Variants in PTP4A2 observed in about 807,000 individuals in gnomAD.
PTP4A2 encodes the protein protein tyrosine phosphatase 4A2, also known as protein tyrosine phosphatase type IVA 2.
A neutral mutation model predicts 22.9 loss-of-function variants in PTP4A2; 2 were observed. The observed-to-expected ratio is 0.09, with a 90% confidence interval of 0.04 to 0.27. The LOEUF is 0.27. PTP4A2 is among the 10% of genes least tolerant of loss of function. The pLI, the probability that PTP4A2 is intolerant of heterozygous loss-of-function variation, is 1.00. For synonymous variants in PTP4A2, 68 were observed against 69.1 expected (o/e 0.98, Z 0.08); for missense variants, 103 against 205.1 (o/e 0.50, Z 3.04).
intron 2 of PTP4A2, among the ~76,000 whole-genome samples, chr1:31,916,361 A>G (rs1180163381): frequency 6.7e-6 from 1 of 149,904 alleles, no homozygotes; most frequent in Non-Finnish European, 1.5e-5. Context: ...AAAAAAAAAA[A>G]AAAAAAAAAA....
At chr1:31,909,899 A>AT in intron 5 of PTP4A2, 139 bp downstream of exon 5, 1 of 694,354 alleles carries the variant, frequency 1.4e-6, no homozygotes, top group Non-Finnish European at 2.4e-6. Context: ...CTTGCTCTAA[A>AT]TTTTTTACAT....
At chr1:31,916,142 C>T (rs1009411532) in intron 2 of PTP4A2, among the ~76,000 whole-genome samples, 155 bp from the exon 3 acceptor site, 1 of 151,568 alleles carries the variant, frequency 6.6e-6, no homozygotes, top group Admixed American at 6.6e-5. Flanking sequence ...GTAAGGAGTT[C>T]GAGACCAGCC....
intron 1 of PTP4A2, among the ~76,000 whole-genome samples, chr1:31,922,553 C>T (rs893411170): frequency 6.6e-6 from 1 of 152,128 alleles, no homozygotes; most frequent in African/African-American, 2.4e-5. Context: ...GCACTGCTAA[C>T]TGGTAGCAGC....
chr1:31,913,858 T>G, intron 3 of PTP4A2: 1 of 456,186 alleles, frequency 2.2e-6, no homozygotes, highest in East Asian at 6.9e-5. Context: ...CAAAACAAGT[T>G]GATTTTTGCT....
At chr1:31,935,993 T>A (rs1432940259) in intron 1 of PTP4A2, among the ~76,000 whole-genome samples, 1 of 151,984 alleles carries the variant, frequency 6.6e-6, no homozygotes, top group Non-Finnish European at 1.5e-5. Flanking sequence ...GTCACCATGT[T>A]ACCCAGGCTG....
At chr1:31,928,220 TATA>T (rs61516782) in intron 1 of PTP4A2, among the ~76,000 whole-genome samples, 23,399 of 145,322 alleles carry the variant, frequency 0.16, 2,110 homozygotes, top group East Asian at 0.37. Flanking sequence ...AATATATAAA[TATA>T]ATAATATAAT....
At chr1:31,935,203 G>GGCGTGC (rs1652883113) in intron 1 of PTP4A2, among the ~76,000 whole-genome samples, 1 of 152,096 alleles carries the variant, frequency 6.6e-6, no homozygotes, top group Admixed American at 6.5e-5. Flanking sequence ...AACATAAGAC[G>GGCGTGC]CTGCTGCATT....
chr1:31,934,733 C>T (rs1652862274), intron 1 of PTP4A2, among the ~76,000 whole-genome samples: 2 of 150,784 alleles, frequency 1.3e-5, no homozygotes, highest in Admixed American at 6.6e-5. Context: ...GGCTCTCATA[C>T]TGTTTTTTAA....
intron 1 of PTP4A2, among the ~76,000 whole-genome samples, chr1:31,926,300 A>G (rs891230291): frequency 6.6e-6 from 1 of 151,772 alleles, no homozygotes; most frequent in African/African-American, 2.4e-5. Flanking sequence ...AAAACAGCAC[A>G]TTAAAATATA....
At chr1:31,937,641 A>G (rs1439220406) in intron 1 of PTP4A2, 1 of 128,088 alleles carries the variant, frequency 7.8e-6, no homozygotes, top group Non-Finnish European at 1.7e-5. Flanking sequence ...CTCCCCACAC[A>G]CCCATACCCT....
chr1:31,915,698 C>A (rs1228392642), intron 3 of PTP4A2, 197 bp downstream of exon 3: 3 of 401,160 alleles, frequency 7.5e-6, no homozygotes, highest in Non-Finnish European at 1.4e-5. Flanking sequence ...CACCAACATG[C>A]CCCACCAGTT....
At chr1:31,926,548 C>T (rs1264317493) in intron 1 of PTP4A2, among the ~76,000 whole-genome samples, 1 of 152,094 alleles carries the variant, frequency 6.6e-6, no homozygotes, top group African/African-American at 2.4e-5. Flanking sequence ...ATGTCAATAG[C>T]CACTTTTATT....
chr1:31,923,906 C>T (rs919343947), intron 1 of PTP4A2: 4 of 152,146 alleles, frequency 2.6e-5, no homozygotes, highest in Non-Finnish European at 5.9e-5. Flanking sequence ...TGTTCATCTC[C>T]AACTCTGCGA....
At chr1:31,915,102 TTAG>T (rs1186794644) in intron 3 of PTP4A2, among the ~76,000 whole-genome samples, 1 of 152,222 alleles carries the variant, frequency 6.6e-6, no homozygotes, top group Non-Finnish European at 1.5e-5. Flanking sequence ...TATATTCAAA[TTAG>T]TAGCCTAGAA....
At chr1:31,915,801 A>G in intron 3 of PTP4A2, 94 bp downstream of exon 3, 5 of 779,122 alleles carry the variant, frequency 6.4e-6, no homozygotes, top group South Asian at 1.8e-5. Context: ...TATTGGGATT[A>G]TAGGTGTGAG....
chr1:31,912,729 T>C (rs1000589406), intron 3 of PTP4A2, among the ~76,000 whole-genome samples: 3 of 152,190 alleles, frequency 2.0e-5, no homozygotes, highest in African/African-American at 4.8e-5. Flanking sequence ...GTTAGGAATT[T>C]TTTTAAAAAC....
chr1:31,932,749 G>A (rs1652775035), intron 1 of PTP4A2: 1 of 152,184 alleles, frequency 6.6e-6, no homozygotes, highest in Non-Finnish European at 1.5e-5. Context: ...TTTCATGGAG[G>A]TGCTAGGGTA....
At chr1:31,916,525 G>A (rs550663134) in intron 2 of PTP4A2, among the ~76,000 whole-genome samples, 5 of 152,118 alleles carry the variant, frequency 3.3e-5, no homozygotes, top group South Asian at 2.1e-4. Flanking sequence ...GTAGCATAAC[G>A]TGAAAACTTA....
At position 31,937,975 on chromosome 1, in the gene PTP4A2, G is replaced by A. The variant is rs1369685648; in HGVS notation, c.-594+12C>T. On this transcript the variant is annotated intron_variant, in intron 1 of 5. Coordinates refer to ENST00000647444, the MANE Select transcript of PTP4A2 (RefSeq NM_080391.4). ...CGCCGGCGCGGGGGCCGCCCGGGAG[G>A]GGCGCACTCACGCTGGCGAGCTGGG... 1 of 152,320 alleles carries A rather than the reference G, an allele frequency of 6.6e-6. No individual in the cohort carries two copies. Among genetic ancestry groups the A allele is most frequent in the African/African-American group, 2.4e-5 (1 of 41,212 alleles). The allele number at this position is 152,320 out of a possible 1,614,324, so 9.4% of individuals were successfully genotyped here. A position where few individuals can be genotyped will look rare whatever the true frequency, so the allele number is the denominator to read the frequency against.
Sources: allele counts gnomAD v4.1 joint callset (sites outside exome capture counted in the v4.1 genomes callset), GRCh38; gene constraint gnomAD v4.1.1; transcripts MANE v1.5; gene names NCBI Gene and HGNC (gene_info 2026-07-23, HGNC 2026-07-21).